Variants in SETX observed in about 807,000 individuals in gnomAD.
SETX encodes the protein helicase senataxin.
A neutral mutation model predicts 227.2 loss-of-function variants in SETX; 90 were observed. That is an observed-to-expected ratio of 0.40 (90% CI 0.33 to 0.47). The LOEUF (loss-of-function observed/expected upper bound fraction) is 0.47. Ranked by LOEUF, SETX falls within the 20% of genes least tolerant of loss-of-function variation. The probability of loss-of-function intolerance (pLI) is 0.91; values close to 1 mark genes in which losing one functional copy is unlikely to be tolerated. For synonymous variants in SETX, 1,210 were observed against 1,113.2 expected (o/e 1.09, Z -1.73); for missense variants, 3,052 against 3,181.5 (o/e 0.96, Z 0.98).
At chr9:132,309,095 G>A (rs1364009670) in intron 11 of SETX, among the ~76,000 whole-genome samples, 2 of 152,200 alleles carry the variant, frequency 1.3e-5, no homozygotes, top group East Asian at 3.9e-4. Context: ...CCAGGATCGC[G>A]CCACTGCACT....
At position 132,327,300 on chromosome 9, in the gene SETX, G is replaced by GT. The variant is rs1224093181; in HGVS notation, c.4297dup (p.Thr1433AsnfsTer2). The GT allele has an allele frequency of 6.2e-7, 1 of 1,614,096 alleles. No homozygotes were observed. The highest frequency in any genetic ancestry group is 8.5e-7 in the Non-Finnish European group (1 of 1,180,048). ...CTGGTTCAAAGGGCAAGCATCATCA[G>GT]TTGCTGGAGACCCATGTTTTGCTTT... On this transcript the variant is annotated frameshift_variant, in exon 10 of 26. Transcript: ENST00000224140. LOFTEE classifies it high-confidence loss of function.
chr9:132,277,821 G>GAA (rs1843252249), intron 21 of SETX, among the ~76,000 whole-genome samples: 1 of 137,984 alleles, frequency 7.2e-6, no homozygotes, highest in South Asian at 2.3e-4. Context: ...AAGGACTGCT[G>GAA]AAAGTGGATA....
intron 15 of SETX, among the ~76,000 whole-genome samples, chr9:132,289,828 G>A (rs1844183451): frequency 6.6e-6 from 1 of 152,078 alleles, no homozygotes; most frequent in Admixed American, 6.6e-5. Context: ...TTAATCTCAG[G>A]TTAACACATT....
Position 132,330,229 on chromosome 9 carries a change from A to G in SETX, c.1369T>C (p.Phe457Leu). The G allele has an allele frequency of 6.4e-7, 1 of 1,569,488 alleles. No homozygotes were observed. ...ACTGATACCAAAATTAGAAGAAAAA[A>G]TTCAGTGACTTTGTCACACACAGCA... ...TDAVCDKVTE[F>L]FLLILVSVIE... is the part of the protein sequence containing the mutation. The change falls in exon 10 of 26, where the codon TTT becomes CTT. Residue 457 changes from phenylalanine to leucine, a missense_variant. By Grantham distance (22) the Phe-to-Leu change is conservative (BLOSUM62 0). Transcript: ENST00000224140.
intron 1 of SETX, among the ~76,000 whole-genome samples, chr9:132,354,418 C>A (rs1010138858): frequency 1.3e-5 from 2 of 150,564 alleles, no homozygotes; most frequent in Non-Finnish European, 3.0e-5. Flanking sequence ...ATCGCTGGAG[C>A]CCAGGAAGAC....
At chr9:132,269,536 A>G (rs756090618) in intron 25 of SETX, 79 bp downstream of exon 25, 1 of 1,608,704 alleles carries the variant, frequency 6.2e-7, no homozygotes, top group South Asian at 1.1e-5. Context: ...AATCATTTAC[A>G]CTTTGATGGA....
intron 4 of SETX, among the ~76,000 whole-genome samples, chr9:132,345,120 T>A (rs1010072757): frequency 6.6e-6 from 1 of 152,110 alleles, no homozygotes; most frequent in African/African-American, 2.4e-5. Flanking sequence ...ACAAAGGAGA[T>A]AGGGAGTGCT....
At chr9:132,282,629 T>C (rs986123967) in intron 19 of SETX, 2 of 157,730 alleles carry the variant, frequency 1.3e-5, no homozygotes, top group African/African-American at 2.4e-5. Flanking sequence ...GAAATCACAT[T>C]AGGAGCGTCC....
At chr9:132,320,780 A>G (rs1479236960) in intron 10 of SETX, among the ~76,000 whole-genome samples, 1 of 152,096 alleles carries the variant, frequency 6.6e-6, no homozygotes, top group Non-Finnish European at 1.5e-5. Context: ...CTAAAACACC[A>G]AAGAGATTTT....
intron 25 of SETX, among the ~76,000 whole-genome samples, chr9:132,269,195 A>G (rs1198868935): frequency 6.6e-6 from 1 of 152,260 alleles, no homozygotes; most frequent in African/African-American, 2.4e-5. Flanking sequence ...AAACAGAGTG[A>G]GCAGCACAGC....
intron 5 of SETX, 88 bp from the exon 6 acceptor site, chr9:132,336,603 A>G (rs894648354): frequency 1.3e-5 from 13 of 977,642 alleles, no homozygotes; most frequent in Non-Finnish European, 1.8e-5. Flanking sequence ...GATTCTCTGC[A>G]TATTTTAAAA....
rs1382075921 is a variant in SETX at position 132,354,209 on chromosome 9, C to T, written c.-114-454G>A. Among the ~76,000 whole-genome samples, 8 of 152,302 alleles carry T rather than the reference C, an allele frequency of 5.3e-5. No homozygotes were observed. The East Asian group carries it at 1.4e-3, about 26-fold the overall frequency. On this transcript the variant is annotated intron_variant, in intron 1 of 25. Transcript: ENST00000224140. ...GTGGCCAGCAGCAAAAGCTCCAGCC[C>T]CTCCAAGTGGGAGAAACAGACTCTC...
At chr9:132,321,978 T>A (rs1449227508) in intron 10 of SETX, among the ~76,000 whole-genome samples, 1 of 152,204 alleles carries the variant, frequency 6.6e-6, no homozygotes, top group African/African-American at 2.4e-5. Context: ...TCATCTTTTA[T>A]ATATATAACA....
At chr9:132,353,001 T>G (rs1848681074) in intron 2 of SETX, among the ~76,000 whole-genome samples, 1 of 152,166 alleles carries the variant, frequency 6.6e-6, no homozygotes, top group African/African-American at 2.4e-5. Context: ...TTCAGTACAT[T>G]TTCATCATTT....
rs538372427 is a variant in SETX at position 132,346,306 on chromosome 9, G to C, written c.343C>G (p.Leu115Val). Residue 115 changes from leucine (L) to valine (V), a missense_variant, in exon 4 of 26, where the codon CTT becomes GTT. By Grantham distance (32) the Leu-to-Val change is conservative (BLOSUM62 1). Transcript: ENST00000224140. ...DFENKLRVPL[L>V]EILKYPYLLL... ...AAGTAAGGATATTTCAGTATTTCAAGAAGAGGAACTCGAAGCTTATTTTCA... is the reference window on the plus strand; with the variant it reads ...AAGTAAGGATATTTCAGTATTTCAACAAGAGGAACTCGAAGCTTATTTTCA... 5.0e-6 allele frequency: 8 copies of C among 1,614,016 alleles called. No homozygotes were observed. In the African/African-American group the frequency reaches 5.3e-5, roughly 11 times the overall value.
At chr9:132,286,552 C>T (rs1291880611) in intron 17 of SETX, 58 bp from the exon 18 acceptor site, 3 of 1,130,846 alleles carry the variant, frequency 2.7e-6, no homozygotes, top group Non-Finnish European at 4.0e-6. Context: ...TAAATGCCTT[C>T]CAATGGACTA....
At chr9:132,307,742 G>A (rs1481163571) in intron 11 of SETX, among the ~76,000 whole-genome samples, 4 of 148,912 alleles carry the variant, frequency 2.7e-5, no homozygotes, top group African/African-American at 7.5e-5. Context: ...GCAGTGGCAC[G>A]ATCTCGGCTC....
chr9:132,349,922 A>C (rs905261513), intron 2 of SETX, among the ~76,000 whole-genome samples: 2 of 152,246 alleles, frequency 1.3e-5, no homozygotes, highest in African/African-American at 4.8e-5. Context: ...TCCTCTTTTT[A>C]GATATAAAGC....
intron 10 of SETX, among the ~76,000 whole-genome samples, chr9:132,315,045 T>C (rs1845890798): frequency 6.6e-6 from 1 of 151,394 alleles, no homozygotes; most frequent in Admixed American, 6.6e-5. Context: ...CCTGAGTAGC[T>C]GGGATTACAG....
Sources: gnomAD v4.1 joint callset for allele counts (sites outside exome capture counted in the v4.1 genomes callset) on GRCh38, gnomAD v4.1.1 for gene constraint, MANE v1.5 for transcripts, NCBI Gene and HGNC (gene_info 2026-07-23, HGNC 2026-07-21) for gene names.